Variants in CLIP1 observed in about 807,000 individuals in gnomAD.
The protein encoded by CLIP1 is CAP-Gly domain-containing linker protein 1.
A neutral mutation model predicts 161.6 loss-of-function variants in CLIP1; 66 were observed. The ratio of observed to expected loss-of-function variants is 0.41; its 90% CI spans 0.33 to 0.50. The LOEUF (loss-of-function observed/expected upper bound fraction) is 0.50, where lower values mean the gene tolerates loss of function less well. Among genes scored for constraint, CLIP1 ranks in the 20% least tolerant of loss-of-function variants. The pLI is 0.27. For missense variants in CLIP1, 1,376 were observed against 1,702.0 expected, an observed-to-expected ratio of 0.81 and a Z score of 3.37; for synonymous variants, 598 against 626.2, an observed-to-expected ratio of 0.96 and a Z score of 0.67.
intron 20 of CLIP1, among the ~76,000 whole-genome samples, chr12:122,303,122 T>C (rs1593019062): frequency 6.6e-6 from 1 of 152,246 alleles, no homozygotes; most frequent in African/African-American, 2.4e-5. Context: ...GGTCTTCAAT[T>C]TGTTTCCTTA....
At chr12:122,276,457 A>G in intron 24 of CLIP1, 1 of 1,289,178 alleles carries the variant, frequency 7.8e-7, no homozygotes. Flanking sequence ...GATTGGAAGA[A>G]AAGTGTTGTC....
intron 20 of CLIP1, among the ~76,000 whole-genome samples, chr12:122,307,219 G>A (rs1168776755): frequency 2.0e-5 from 3 of 151,842 alleles, no homozygotes; most frequent in Non-Finnish European, 4.4e-5. Flanking sequence ...ATCTTGGCCA[G>A]GCCGGTCTCG....
At chr12:122,300,334 C>T (rs961265018) in intron 20 of CLIP1, among the ~76,000 whole-genome samples, 1 of 151,934 alleles carries the variant, frequency 6.6e-6, no homozygotes, top group Non-Finnish European at 1.5e-5. Flanking sequence ...CATATATATA[C>T]ACAATGAGAA....
intron 1 of CLIP1, among the ~76,000 whole-genome samples, chr12:122,411,809 C>T (rs1956543806): frequency 6.6e-6 from 1 of 152,018 alleles, no homozygotes; most frequent in African/African-American, 2.4e-5. Flanking sequence ...TACATGATTT[C>T]TTCTGGGGAT....
chr12:122,274,255 C>A, intron 24 of CLIP1, 93 bp from the exon 25 acceptor site: 3 of 1,126,586 alleles, frequency 2.7e-6, no homozygotes, highest in Non-Finnish European at 3.9e-6. Flanking sequence ...TAAGCTCTGG[C>A]GGCAAAGTGT....
At chr12:122,308,528 C>T (rs1220325872) in intron 20 of CLIP1, among the ~76,000 whole-genome samples, 2 of 152,214 alleles carry the variant, frequency 1.3e-5, no homozygotes, top group African/African-American at 4.8e-5. Context: ...AGTCAACACA[C>T]TGATACTCTC....
chr12:122,364,587 T>C (rs1954034771), intron 3 of CLIP1, among the ~76,000 whole-genome samples: 1 of 151,938 alleles, frequency 6.6e-6, no homozygotes, highest in Non-Finnish European at 1.5e-5. Flanking sequence ...GTATTTTTTG[T>C]GGAGACAGGG....
At chr12:122,284,408 A>G (rs1955768505) in intron 21 of CLIP1, among the ~76,000 whole-genome samples, 1 of 151,544 alleles carries the variant, frequency 6.6e-6, no homozygotes, top group East Asian at 1.9e-4. Context: ...GCTGGAGTGC[A>G]ATGGCGCGAT....
chr12:122,406,209 C>A (rs551189125), intron 1 of CLIP1, among the ~76,000 whole-genome samples: 17 of 152,244 alleles, frequency 1.1e-4, no homozygotes, highest in African/African-American at 4.1e-4. Flanking sequence ...CTTTGGGAGG[C>A]CAAGGTGGGC....
At chr12:122,288,865 G>C (rs914009906) in intron 20 of CLIP1, among the ~76,000 whole-genome samples, 1 of 146,678 alleles carries the variant, frequency 6.8e-6, no homozygotes, top group Non-Finnish European at 1.5e-5. Context: ...GCCCAGGCTG[G>C]AGTGCAGTGG....
At chr12:122,293,698 G>C (rs918628277) in intron 20 of CLIP1, among the ~76,000 whole-genome samples, 1 of 151,706 alleles carries the variant, frequency 6.6e-6, no homozygotes, top group African/African-American at 2.4e-5. Flanking sequence ...GGCTGGTCTC[G>C]AACTCCTGAC....
At chr12:122,300,740 T>G (rs1950649227) in intron 20 of CLIP1, among the ~76,000 whole-genome samples, 1 of 152,212 alleles carries the variant, frequency 6.6e-6, no homozygotes, top group Non-Finnish European at 1.5e-5. Context: ...TGAAGAAGTT[T>G]GTACACTTCC....
At chr12:122,308,650 T>C (rs536985000) in intron 20 of CLIP1, among the ~76,000 whole-genome samples, 26 of 152,332 alleles carry the variant, frequency 1.7e-4, no homozygotes, top group Non-Finnish European at 1.5e-4. Context: ...GGGATAATAA[T>C]AGTGCTATTG....
intron 20 of CLIP1, among the ~76,000 whole-genome samples, chr12:122,299,191 G>A (rs1029550190): frequency 2.6e-5 from 4 of 151,842 alleles, no homozygotes; most frequent in African/African-American, 9.7e-5. Context: ...ACTATGCAGA[G>A]GCAGAGTGGA....
chr12:122,305,145 A>G (rs1186271927), intron 20 of CLIP1, among the ~76,000 whole-genome samples: 1 of 152,250 alleles, frequency 6.6e-6, no homozygotes, highest in Non-Finnish European at 1.5e-5. Context: ...CCATAGTGAT[A>G]GCTCACTGTA....
rs1051946466 is a variant in CLIP1 at position 122,381,775 on chromosome 12, G to T, written c.-106-1217C>A. 3.3e-5 allele frequency among the ~76,000 whole-genome samples: 5 copies of T among 152,270 alleles called. No individual in the cohort carries two copies. In the South Asian group the frequency reaches 6.2e-4, roughly 19 times the overall value. On this transcript the variant is annotated intron_variant, in intron 1 of 25. Transcript: ENST00000620786. ...AAAGGTACATGCAGCCCACTCCAGC[G>T]GATGGAACAGTGCCCTCCCCCAAAG... is the stretch of plus-strand genomic sequence containing the variant.
chr12:122,384,936 A>AT (rs201805064), intron 1 of CLIP1, among the ~76,000 whole-genome samples: 16,315 of 136,786 alleles, frequency 0.12, 1,303 homozygotes, highest in East Asian at 0.44. Flanking sequence ...GTTGATGGTA[A>AT]TTTTTTTTTT....
intron 1 of CLIP1, among the ~76,000 whole-genome samples, chr12:122,389,956 G>C (rs1377531774): frequency 2.0e-5 from 3 of 149,126 alleles, no homozygotes; most frequent in African/African-American, 7.4e-5. Flanking sequence ...GTTCTTGCAG[G>C]GTGGGTCATT....
intron 11 of CLIP1, 117 bp downstream of exon 11, chr12:122,340,636 C>T: frequency 1.3e-6 from 1 of 795,088 alleles, no homozygotes; most frequent in African/African-American, 1.7e-5. Context: ...CTGGGGACAT[C>T]AAGCAATTTA....
Sources: gnomAD v4.1 joint callset for allele counts (sites outside exome capture counted in the v4.1 genomes callset) on GRCh38, gnomAD v4.1.1 for gene constraint, MANE v1.5 for transcripts, NCBI Gene and HGNC (gene_info 2026-07-23, HGNC 2026-07-21) for gene names.